VWC2L: variants seen among roughly 807,000 people sequenced by gnomAD.
VWC2L encodes von Willebrand factor C domain-containing protein 2-like.
Under a neutral mutation model 21.6 loss-of-function variants are expected in VWC2L, and 10 were observed. The observed-to-expected ratio is 0.46, with a 90% CI of 0.29 to 0.78. VWC2L has a LOEUF of 0.78. Ranked by LOEUF, VWC2L falls within the 30% of genes least tolerant of loss-of-function variation. The pLI, the probability that VWC2L is intolerant of heterozygous loss-of-function variation, is 0.10. For missense variants in VWC2L, 209 were observed against 277.1 expected, an observed-to-expected ratio of 0.75 and a Z score of 1.74; for synonymous variants, 96 against 94.3, an observed-to-expected ratio of 1.02 and a Z score of -0.10.
chr2:214,498,104 G>T (rs1688836745), intron 3 of VWC2L, among the ~76,000 whole-genome samples: 1 of 152,134 alleles, frequency 6.6e-6, no homozygotes, highest in South Asian at 2.1e-4. Context: ...CAACCAGTCT[G>T]CAGTGGGAAA....
intron 3 of VWC2L, among the ~76,000 whole-genome samples, chr2:214,492,662 G>A (rs545514560): frequency 1.3e-5 from 2 of 152,268 alleles, no homozygotes; most frequent in East Asian, 1.9e-4. Context: ...TGCACCAGAG[G>A]AATTTTTAAT....
At chr2:214,446,160 GAAAC>G (rs1220896348) in intron 3 of VWC2L, among the ~76,000 whole-genome samples, 1 of 152,128 alleles carries the variant, frequency 6.6e-6, no homozygotes, top group South Asian at 2.1e-4. Flanking sequence ...TAACAGACAT[GAAAC>G]AAACACACTG....
intron 3 of VWC2L, among the ~76,000 whole-genome samples, chr2:214,574,292 C>T (rs1690196085): frequency 6.6e-6 from 1 of 152,170 alleles, no homozygotes; most frequent in African/African-American, 2.4e-5. Context: ...GTTTGTGTTA[C>T]AGAGTGAAGA....
chr2:214,421,221 A>AT (rs1336757730), intron 2 of VWC2L, among the ~76,000 whole-genome samples: 1 of 152,158 alleles, frequency 6.6e-6, no homozygotes, highest in Non-Finnish European at 1.5e-5. Context: ...TTTTAAAATA[A>AT]TTTTTCTTAA....
intron 3 of VWC2L, among the ~76,000 whole-genome samples, chr2:214,448,433 A>C (rs1017415332): frequency 6.6e-6 from 1 of 152,202 alleles, no homozygotes; most frequent in Non-Finnish European, 1.5e-5. Flanking sequence ...GGTGGTGGGA[A>C]GGAAGGTGCT....
chr2:214,527,427 C>T (rs888882640), intron 3 of VWC2L, among the ~76,000 whole-genome samples: 1 of 152,014 alleles, frequency 6.6e-6, no homozygotes, highest in Admixed American at 6.6e-5. Context: ...AGAAGAAAAC[C>T]ATCTCCAATT....
chr2:214,506,799 G>T (rs956478673), intron 3 of VWC2L, among the ~76,000 whole-genome samples: 1 of 152,008 alleles, frequency 6.6e-6, no homozygotes, highest in Non-Finnish European at 1.5e-5. Flanking sequence ...TATTTCTAAA[G>T]ATATGCTGAT....
At chr2:214,424,933 G>A (rs899035795) in intron 2 of VWC2L, among the ~76,000 whole-genome samples, 3 of 152,154 alleles carry the variant, frequency 2.0e-5, no homozygotes, top group African/African-American at 7.2e-5. Context: ...TTAAAAAATA[G>A]TGGTAATATC....
chr2:214,464,470 T>A (rs1041304888), intron 3 of VWC2L, among the ~76,000 whole-genome samples: 1 of 152,032 alleles, frequency 6.6e-6, no homozygotes, highest in African/African-American at 2.4e-5. Flanking sequence ...GTCTCTTGTT[T>A]TCTTTGCTTA....
At chr2:214,421,941 GA>G (rs1455184363) in intron 2 of VWC2L, among the ~76,000 whole-genome samples, 1 of 116,270 alleles carries the variant, frequency 8.6e-6, no homozygotes, top group East Asian at 2.4e-4. Flanking sequence ...GCCCAGGCTG[GA>G]GTGCAGTGGC....
rs181266331 is a variant in VWC2L, at chr2:214,429,668, A to G, written c.391-6961A>G. ...CATATTTTGGAAAAAGCTGCATTTT[A>G]TTGTCATGAGACTCCTTGAAAATGT... is the stretch of plus-strand genomic sequence containing the variant. On this transcript the variant is annotated intron_variant, in intron 2 of 3. Coordinates refer to ENST00000312504, the MANE Select transcript of VWC2L (RefSeq NM_001080500.4). Among the ~76,000 whole-genome samples the G allele has an allele frequency of 2.6e-5, 4 of 152,106 alleles. No homozygotes were observed. The East Asian group carries it at 7.7e-4, about 29-fold the overall frequency.
chr2:214,573,345 GATA>G (rs1407432800), intron 3 of VWC2L, among the ~76,000 whole-genome samples: 3 of 152,096 alleles, frequency 2.0e-5, no homozygotes, highest in African/African-American at 7.2e-5. Context: ...ACTCTTACTG[GATA>G]ATATCTTGCC....
At chr2:214,545,056 A>G (rs371623265) in intron 3 of VWC2L, among the ~76,000 whole-genome samples, 27 of 152,286 alleles carry the variant, frequency 1.8e-4, no homozygotes, top group African/African-American at 5.1e-4. Flanking sequence ...TAAAATCTCA[A>G]TCTCCAGAAA....
chr2:214,553,908 A>G (rs1042982839), intron 3 of VWC2L, among the ~76,000 whole-genome samples: 2 of 152,178 alleles, frequency 1.3e-5, no homozygotes, highest in Non-Finnish European at 2.9e-5. Context: ...CAGTGCTTAA[A>G]GGTCTGTAGA....
chr2:214,539,441 T>G (rs1435320017), intron 3 of VWC2L, among the ~76,000 whole-genome samples: 1 of 152,204 alleles, frequency 6.6e-6, no homozygotes, highest in Non-Finnish European at 1.5e-5. Flanking sequence ...GCTAAAATCC[T>G]GTGTGTAGCT....
intron 2 of VWC2L, among the ~76,000 whole-genome samples, chr2:214,424,579 C>G (rs1332530455): frequency 1.3e-5 from 2 of 152,118 alleles, no homozygotes; most frequent in Non-Finnish European, 2.9e-5. Context: ...ATAAAAGCTA[C>G]CTGATATTTT....
At chr2:214,495,676 C>A (rs1688801855) in intron 3 of VWC2L, among the ~76,000 whole-genome samples, 1 of 152,114 alleles carries the variant, frequency 6.6e-6, no homozygotes, top group African/African-American at 2.4e-5. Flanking sequence ...CCAAACAGAG[C>A]TGTTCTATCA....
At chr2:214,415,121 C>T (rs1442001800) in intron 2 of VWC2L, 1 of 152,376 alleles carries the variant, frequency 6.6e-6, no homozygotes, top group African/African-American at 2.4e-5. Context: ...GTTCTCTGCT[C>T]GCTGGATTTT....
At position 214,551,721 on chromosome 2, in the gene VWC2L, G is replaced by C. The variant is rs545564717; in HGVS notation, c.521-23951G>C. Among the ~76,000 whole-genome samples the C allele has an allele frequency of 5.2e-4, 79 of 152,184 alleles. 1 individual carries two copies. The Middle Eastern group carries it at 0.017, about 33-fold the overall frequency. The stretch of plus-strand genomic sequence containing the variant: ...ACTTGCCTAGCAAAATCCCAAACCC[G>C]CATCAATCTAAATGTCTGCCTCCTC... On this transcript the variant is annotated intron_variant, in intron 3 of 3. Transcript: ENST00000312504.
Sources: gnomAD v4.1 joint callset for allele counts (sites outside exome capture counted in the v4.1 genomes callset) on GRCh38, gnomAD v4.1.1 for gene constraint, MANE v1.5 for transcripts, NCBI Gene and HGNC (gene_info 2026-07-23, HGNC 2026-07-21) for gene names.